Variants in UBE2W observed in about 807,000 individuals in gnomAD.
The protein encoded by UBE2W is ubiquitin-conjugating enzyme E2 W.
Under a neutral mutation model 27.2 loss-of-function variants are expected in UBE2W, and 18 were observed. That is an observed-to-expected ratio of 0.66 (90% CI 0.46 to 0.98). UBE2W has a LOEUF of 0.98. Among genes scored for constraint, UBE2W ranks in the 50% least tolerant of loss-of-function variants. UBE2W has a pLI of 0.00. For synonymous variants in UBE2W, 53 were observed against 57.2 expected (o/e 0.93, Z 0.33); for missense variants, 90 against 180.2 (o/e 0.50, Z 2.87).
chr8:73,862,132 A>G (rs930705728), intron 1 of UBE2W, among the ~76,000 whole-genome samples: 1 of 152,220 alleles, frequency 6.6e-6, no homozygotes, highest in African/African-American at 2.4e-5. Flanking sequence ...TTGGCTGCAC[A>G]TTAAAATTAC....
rs1327874358 is a variant in UBE2W, at chr8:73,793,177, T to C, written c.*925A>G. On this transcript the variant is annotated 3_prime_UTR_variant, in exon 6 of 6. Transcript: ENST00000602593. ...AAACATAAATAAATGAAATAGTGTTTAGGCAGTAGGGCTCATGCTGATGGC... is the reference window on the plus strand; with the variant it reads ...AAACATAAATAAATGAAATAGTGTTCAGGCAGTAGGGCTCATGCTGATGGC... 1.5e-5 allele frequency: 15 copies of C among 985,856 alleles called. No individual in the cohort carries two copies. In the East Asian group the frequency reaches 5.7e-4, roughly 37 times the overall value. 61.1% of individuals were successfully genotyped at this position (985,856 alleles called of 1,614,324 possible).
chr8:73,835,067 C>T (rs1227179029), intron 1 of UBE2W, among the ~76,000 whole-genome samples: 1 of 152,030 alleles, frequency 6.6e-6, no homozygotes, highest in Non-Finnish European at 1.5e-5. Context: ...TTTACTAAGT[C>T]AAGAAGGATA....
At chr8:73,799,668 G>A (rs540560198) in intron 5 of UBE2W, among the ~76,000 whole-genome samples, 2 of 152,252 alleles carry the variant, frequency 1.3e-5, no homozygotes, top group East Asian at 3.9e-4. Flanking sequence ...AAGTATGTCA[G>A]GAAGCACCAC....
chr8:73,823,511 A>C (rs1026865782), intron 3 of UBE2W, among the ~76,000 whole-genome samples: 10 of 152,228 alleles, frequency 6.6e-5, no homozygotes, highest in African/African-American at 1.9e-4. Context: ...TTGAAGGTAG[A>C]CAAATAGGCT....
Position 73,786,492 on chromosome 8 carries a change from T to C in UBE2W, c.*7610A>G, listed in dbSNP as rs1207100707. 5 of 985,446 alleles carry C rather than the reference T, an allele frequency of 5.1e-6. No homozygotes were observed. Among genetic ancestry groups the C allele is most frequent in the Non-Finnish European group, 4.8e-6 (4 of 829,928 alleles). 61.0% of individuals were successfully genotyped at this position (985,446 alleles called of 1,614,324 possible). A position where few individuals can be genotyped will look rare whatever the true frequency, so the allele number is the denominator to read the frequency against. The stretch of plus-strand genomic sequence containing the variant: ...GGACACAAACACAATTGCAACACTG[T>C]CCCTACTGTTAAAAAGTTCAGGATA... On this transcript the variant is annotated 3_prime_UTR_variant, in exon 6 of 6. Transcript: ENST00000602593.
intron 1 of UBE2W, chr8:73,870,391 A>T (rs938435956): frequency 8.0e-7 from 1 of 1,252,670 alleles, no homozygotes; most frequent in South Asian, 1.5e-5. Flanking sequence ...ACTAGAAATC[A>T]GAAAAAAAAA....
intron 4 of UBE2W, among the ~76,000 whole-genome samples, chr8:73,781,132 T>C (rs1405643169): frequency 6.6e-6 from 1 of 151,792 alleles, no homozygotes; most frequent in Non-Finnish European, 1.5e-5. Context: ...TAGCCAGGCA[T>C]GGTGGCATGC....
chr8:73,849,451 G>C (rs1810974213), intron 1 of UBE2W, among the ~76,000 whole-genome samples: 1 of 125,860 alleles, frequency 7.9e-6, no homozygotes, highest in Admixed American at 1.0e-4. Flanking sequence ...GGTGGAGATT[G>C]TAGTGAGCCA....
Position 73,788,874 on chromosome 8 carries a change from G to A in UBE2W, c.*5228C>T. The A allele has an allele frequency of 2.0e-6, 2 of 985,182 alleles. No homozygotes were observed. Among genetic ancestry groups the A allele is most frequent in the Non-Finnish European group, 2.4e-6 (2 of 829,914 alleles). 61.0% of individuals were successfully genotyped at this position (985,182 alleles called of 1,614,324 possible). A position where few individuals can be genotyped will look rare whatever the true frequency, so the allele number is the denominator to read the frequency against. Reference sequence around the variant, plus strand: ...CTCCTCACTCACCATATTAAAACTGGAGTTCTTGAGGTATGTTAAGATAGA... The same window carrying A: ...CTCCTCACTCACCATATTAAAACTGAAGTTCTTGAGGTATGTTAAGATAGA... On this transcript the variant is annotated 3_prime_UTR_variant, in exon 6 of 6. Transcript: ENST00000602593.
chr8:73,788,716 A>C lies in UBE2W; in HGVS notation c.*5386T>G, dbSNP rs890195679. ...AAATCATGCTTTTGCCTTTGAGAAAACAACTTAGAATTGTTGTAGGACCAA... is the reference window on the plus strand; with the variant it reads ...AAATCATGCTTTTGCCTTTGAGAAACCAACTTAGAATTGTTGTAGGACCAA... On this transcript the variant is annotated 3_prime_UTR_variant, in exon 6 of 6. Coordinates refer to ENST00000602593, the MANE Select transcript of UBE2W (RefSeq NM_018299.6). 3.0e-5 allele frequency: 30 copies of C among 985,278 alleles called. No individual in the cohort carries two copies. The highest frequency in any genetic ancestry group is 3.1e-5 in the Non-Finnish European group (26 of 829,924). 61.0% of individuals were successfully genotyped at this position (985,278 alleles called of 1,614,324 possible). A position where few individuals can be genotyped will look rare whatever the true frequency, so the allele number is the denominator to read the frequency against.
chr8:73,853,135 C>G (rs1285339476), intron 1 of UBE2W, among the ~76,000 whole-genome samples: 1 of 152,168 alleles, frequency 6.6e-6, no homozygotes, highest in African/African-American at 2.4e-5. Flanking sequence ...TGTGAAGATA[C>G]AGTCAGAAGG....
At position 73,788,060 on chromosome 8, in the gene UBE2W, CTT is replaced by C; in HGVS notation, c.*6040_*6041del. The C allele has an allele frequency of 1.0e-6, 1 of 985,244 alleles. No individual in the cohort carries two copies. The highest frequency in any genetic ancestry group is 1.2e-6 in the Non-Finnish European group (1 of 829,820). The allele number at this position is 985,244 out of a possible 1,614,324, so 61.0% of individuals were successfully genotyped here. Reference sequence around the variant, plus strand: ...GTGAAGAGAAACTACTGTACAAATACTTTTACGTCATAAACCAAAAAGAGGTC... The same window carrying C: ...GTGAAGAGAAACTACTGTACAAATACTTACGTCATAAACCAAAAAGAGGTC... On this transcript the variant is annotated 3_prime_UTR_variant, in exon 6 of 6. Transcript: ENST00000602593.
In UBE2W at chr8:73,790,924, T is replaced by C. The variant is rs1808163173; in HGVS notation, c.*3178A>G. The C allele has an allele frequency of 8.2e-6, 8 of 980,926 alleles. No individual in the cohort carries two copies. Among genetic ancestry groups the C allele is most frequent in the Non-Finnish European group, 9.7e-6 (8 of 825,868 alleles). The allele number at this position is 980,926 out of a possible 1,614,324, so 60.8% of individuals were successfully genotyped here. On this transcript the variant is annotated 3_prime_UTR_variant, in exon 6 of 6. Transcript: ENST00000602593. The stretch of plus-strand genomic sequence containing the variant: ...CACCACAGGAATCTAATGATATATA[T>C]ATTTGCATATATTTAAAATTTCATG...
chr8:73,780,640 G>A, intron 4 of UBE2W: 1 of 353,908 alleles, frequency 2.8e-6, no homozygotes, highest in Admixed American at 3.3e-5. Context: ...TCACACCTTA[G>A]TTTCCAGCTA....
chr8:73,807,959 T>C (rs1350333803), intron 4 of UBE2W, among the ~76,000 whole-genome samples: 2 of 152,222 alleles, frequency 1.3e-5, no homozygotes, highest in Non-Finnish European at 2.9e-5. Flanking sequence ...AAGTGGAATT[T>C]ACTGAAAGTC....
At position 73,878,849 on chromosome 8, in the gene UBE2W, G is replaced by T. The variant is rs868395807; in HGVS notation, c.-27C>A. On this transcript the variant is annotated 5_prime_UTR_variant, in exon 1 of 6. Coordinates refer to ENST00000602593, the MANE Select transcript of UBE2W (RefSeq NM_018299.6). ...ATGGAACCATCCCCCCAAGACCGGC[G>T]AGGCCAGAGACGCAGGGGGAGGAGC... 3.2e-6 allele frequency: 5 copies of T among 1,547,740 alleles called. No individual in the cohort carries two copies. Among genetic ancestry groups the T allele is most frequent in the Non-Finnish European group, 4.4e-6 (5 of 1,144,914 alleles).
At chr8:73,805,806 A>T in intron 4 of UBE2W, 80 bp from the exon 5 acceptor site, 1 of 715,944 alleles carries the variant, frequency 1.4e-6, no homozygotes. Context: ...CTTAAGAAAA[A>T]TTAACAGAAT....
downstream of UBE2W, among the ~76,000 whole-genome samples, chr8:73,783,130 A>G (rs1807872365): frequency 6.6e-6 from 1 of 152,204 alleles, no homozygotes; most frequent in African/African-American, 2.4e-5. Context: ...TTGTTACTGA[A>G]TTTTAAGTTC....
At chr8:73,802,182 A>G (rs994870357) in intron 5 of UBE2W, among the ~76,000 whole-genome samples, 2 of 152,244 alleles carry the variant, frequency 1.3e-5, no homozygotes, top group African/African-American at 4.8e-5. Context: ...AAATACTGCT[A>G]AACTGCTTCC....
Sources: gnomAD v4.1 joint callset for allele counts (sites outside exome capture counted in the v4.1 genomes callset) on GRCh38, gnomAD v4.1.1 for gene constraint, MANE v1.5 for transcripts, NCBI Gene and HGNC (gene_info 2026-07-23, HGNC 2026-07-21) for gene names.